Variants in WDR3 observed in about 807,000 individuals in gnomAD.
The protein encoded by WDR3 is WD repeat-containing protein 3.
A neutral mutation model predicts 123.7 loss-of-function variants in WDR3; 81 were observed. The ratio of observed to expected loss-of-function variants is 0.65; its 90% CI spans 0.55 to 0.79. The LOEUF (loss-of-function observed/expected upper bound fraction) is 0.79, where lower values mean the gene tolerates loss of function less well. Among genes scored for constraint, WDR3 ranks in the 30% least tolerant of loss-of-function variants. The pLI, the probability that WDR3 is intolerant of heterozygous loss-of-function variation, is 0.00. For missense variants in WDR3, 1,027 were observed against 1,123.2 expected (o/e 0.91, Z 1.22); for synonymous variants, 390 against 388.8 (o/e 1.00, Z -0.04).
In WDR3 at chr1:117,957,182, C is replaced by G. The variant is rs771756279; in HGVS notation, c.2568C>G (p.Leu856=). ...GSDVELICRC[L]FFLLRIHFGQ... ...ATGTTGAACTTATATGCCGGTGCCT[C>G]TTCTTCCTCCTTAGGTAACATCCTT... The change falls in exon 25 of 27, where the codon CTC becomes CTG. Residue 856 remains leucine, a synonymous_variant. Transcript: ENST00000349139. The G allele has an allele frequency of 6.2e-7, 1 of 1,611,522 alleles. No homozygotes were observed. The highest frequency in any genetic ancestry group is 1.7e-5 in the Admixed American group (1 of 59,508).
intron 3 of WDR3, among the ~76,000 whole-genome samples, chr1:117,935,096 TTAAG>T (rs1198883266): frequency 6.6e-6 from 1 of 152,266 alleles, no homozygotes; most frequent in Non-Finnish European, 1.5e-5. Context: ...TCACAACAGA[TTAAG>T]TAACAGACAT....
At chr1:117,948,298 C>A in intron 12 of WDR3, 107 bp from the exon 13 acceptor site, 1 of 844,584 alleles carries the variant, frequency 1.2e-6, no homozygotes, top group Non-Finnish European at 1.9e-6. Flanking sequence ...AGCAATGGAT[C>A]ACATTTTTGC....
At chr1:117,930,711 C>A (rs928169235) in intron 1 of WDR3, among the ~76,000 whole-genome samples, 1 of 152,092 alleles carries the variant, frequency 6.6e-6, no homozygotes, top group African/African-American at 2.4e-5. Flanking sequence ...AGAAAGGGAT[C>A]CTGTTTCAGA....
At chr1:117,941,985 A>T in intron 9 of WDR3, 138 bp downstream of exon 9, 1 of 1,358,500 alleles carries the variant, frequency 7.4e-7, no homozygotes, top group Non-Finnish European at 9.5e-7. Flanking sequence ...GGTATCGATA[A>T]CCCAAATTTG....
In WDR3 at chr1:117,952,514, T is replaced by G; in HGVS notation, c.2017-14T>G. 2 of 1,597,400 alleles carry G rather than the reference T, an allele frequency of 1.3e-6. No individual in the cohort carries two copies. The highest frequency in any genetic ancestry group is 1.7e-6 in the Non-Finnish European group (2 of 1,174,992). ...AATGAATGAGGTATTCTTTATTTTT[T>G]TTTTCTCCTCCAGGGTCATCACCAG... On this transcript the variant is annotated splice_polypyrimidine_tract_variant and intron_variant, in intron 18 of 26. Coordinates refer to ENST00000349139, the MANE Select transcript of WDR3 (RefSeq NM_006784.3).
chr1:117,946,731 G>A (rs1298401439), intron 12 of WDR3, among the ~76,000 whole-genome samples: 1 of 151,984 alleles, frequency 6.6e-6, no homozygotes, highest in Non-Finnish European at 1.5e-5. Context: ...CACAAGGTCA[G>A]GAGATCGAGA....
chr1:117,960,109 CGTGTGTGTGTGTGTGTGTGTGT>C lies in WDR3; in HGVS notation c.*679_*700del, dbSNP rs3059173. On this transcript the variant is annotated 3_prime_UTR_variant, in exon 27 of 27. Coordinates refer to ENST00000349139, the MANE Select transcript of WDR3 (RefSeq NM_006784.3). ...TGGGCTTCTGAGGAATTAATACACT[CGTGTGTGTGTGTGTGTGTGTGT>C]GTGTGTGTGTGTGTGTATGTGTATG... 3 of 144,406 alleles carry C rather than the reference CGTGTGTGTGTGTGTGTGTGTGT, an allele frequency of 2.1e-5. No homozygotes were observed. The highest frequency in any genetic ancestry group is 5.3e-5 in the African/African-American group (2 of 37,902). The allele number at this position is 144,406 out of a possible 1,614,324, so 8.9% of individuals were successfully genotyped here.
At chr1:117,948,107 AT>A (rs1455965600) in intron 12 of WDR3, among the ~76,000 whole-genome samples, 1 of 152,146 alleles carries the variant, frequency 6.6e-6, no homozygotes, top group African/African-American at 2.4e-5. Flanking sequence ...TGGTCATGAT[AT>A]TTTCCTTGTG....
intron 1 of WDR3, among the ~76,000 whole-genome samples, chr1:117,932,435 G>C (rs936192070): frequency 6.6e-6 from 1 of 152,228 alleles, no homozygotes; most frequent in Non-Finnish European, 1.5e-5. Context: ...TGGGAGAAGA[G>C]ATGAGATGGT....
Position 117,950,027 on chromosome 1 carries a change from T to A in WDR3, c.1643T>A (p.Leu548Gln), listed in dbSNP as rs766351537. Residue 548 changes from leucine (L) to glutamine (Q), a missense_variant, in exon 15 of 27, where the codon CTA becomes CAA. Transcript: ENST00000349139. ...GTGAAGCAAACCCGAACTTTGCAAC[T>A]AGATGAAGATGTTCTGTGTGTCAGT... Reference protein sequence around the residue: ...LSVKQTRTLQLDEDVLCVSYS... With the variant: ...LSVKQTRTLQQDEDVLCVSYS... 1 of 1,613,970 alleles carries A rather than the reference T, an allele frequency of 6.2e-7. No homozygotes were observed. The highest frequency in any genetic ancestry group is 1.3e-5 in the African/African-American group (1 of 74,938).
At chr1:117,943,135 T>G (rs1387759693) in intron 10 of WDR3, among the ~76,000 whole-genome samples, 1 of 152,074 alleles carries the variant, frequency 6.6e-6, no homozygotes, top group African/African-American at 2.4e-5. Context: ...GTATTTTTAA[T>G]GGAGATGGTG....
intron 13 of WDR3, 36 bp downstream of exon 13, chr1:117,948,542 C>T (rs745727456): frequency 2.6e-6 from 4 of 1,544,680 alleles, no homozygotes; most frequent in Non-Finnish European, 3.5e-6. Context: ...TGGAGTTCAG[C>T]CCTGTGGCTA....
chr1:117,950,509 T>C (rs912326071), intron 15 of WDR3, among the ~76,000 whole-genome samples: 12 of 152,102 alleles, frequency 7.9e-5, no homozygotes, highest in Non-Finnish European at 1.5e-4. Context: ...AGAGAGTTGA[T>C]AGGACCAGGT....
intron 9 of WDR3, among the ~76,000 whole-genome samples, chr1:117,942,163 A>G (rs1021507709): frequency 6.6e-6 from 1 of 152,242 alleles, no homozygotes; most frequent in Non-Finnish European, 1.5e-5. Context: ...TGGAATTACA[A>G]GGACCTTGTT....
At chr1:117,937,211 G>A (rs906187596) in intron 4 of WDR3, among the ~76,000 whole-genome samples, 3 of 152,140 alleles carry the variant, frequency 2.0e-5, no homozygotes, top group African/African-American at 4.8e-5. Flanking sequence ...AGAATATGGA[G>A]CAGAGGGAAG....
rs1053085616 is a variant in WDR3 at position 117,939,510 on chromosome 1, C to T, written c.613C>T (p.Arg205Ter). 3 of 1,613,720 alleles carry T rather than the reference C, an allele frequency of 1.9e-6. No homozygotes were observed. Among genetic ancestry groups the T allele is most frequent in the Non-Finnish European group, 2.5e-6 (3 of 1,179,722 alleles). The change falls in exon 6 of 27, where the codon CGA becomes TGA. Residue 205 changes from arginine (R) to a stop codon, truncating the protein, a stop_gained. Coordinates refer to ENST00000349139, the MANE Select transcript of WDR3 (RefSeq NM_006784.3). LOFTEE classifies it high-confidence loss of function. The stretch of plus-strand genomic sequence containing the variant: ...GTTGGTTCTGTTGTCAGAAGAAAAG[C>T]GACTCATCACTGGGGCCTCAGACAG... Reference protein sequence around the residue: ...WGLVLLSEEKRLITGASDSEL... With the variant: ...WGLVLLSEEK
At chr1:117,938,063 C>G (rs1178605943) in intron 4 of WDR3, among the ~76,000 whole-genome samples, 1 of 152,242 alleles carries the variant, frequency 6.6e-6, no homozygotes, top group South Asian at 2.1e-4. Flanking sequence ...GGAGTTAATA[C>G]TTAGAAACTT....
Position 117,935,427 on chromosome 1 carries a change from A to C in WDR3, c.381+745A>C, listed in dbSNP as rs377148551. Reference sequence around the variant, plus strand: ...AAAATGTCATATAAACCCATAATTTAAGAAGTATCATATTGATACTTCAAT... The same window carrying C: ...AAAATGTCATATAAACCCATAATTTCAGAAGTATCATATTGATACTTCAAT... On this transcript the variant is annotated intron_variant, in intron 3 of 26. Coordinates refer to ENST00000349139, the MANE Select transcript of WDR3 (RefSeq NM_006784.3). Among the ~76,000 whole-genome samples the C allele has an allele frequency of 3.9e-5, 6 of 152,198 alleles. No individual in the cohort carries two copies. The East Asian group carries it at 1.2e-3, about 29-fold the overall frequency.
intron 6 of WDR3, 21 bp downstream of exon 6, chr1:117,939,593 T>C (rs1651070464): frequency 6.2e-7 from 1 of 1,609,126 alleles, no homozygotes; most frequent in Non-Finnish European, 8.5e-7. Flanking sequence ...CTTAAAATCA[T>C]GGGCAATATG....
Sources: gnomAD v4.1 joint callset for allele counts (sites outside exome capture counted in the v4.1 genomes callset) on GRCh38, gnomAD v4.1.1 for gene constraint, MANE v1.5 for transcripts, NCBI Gene and HGNC (gene_info 2026-07-23, HGNC 2026-07-21) for gene names.